The following IL12RB1 variants were observed in gnomAD, a reference collection of about 807,000 sequenced individuals.
IL12RB1 encodes interleukin 12 receptor subunit beta 1, also known as interleukin-12 receptor subunit beta-1.
In IL12RB1, 64 loss-of-function variants were observed where a neutral mutation model predicts 94.4. The ratio of observed to expected loss-of-function variants is 0.68; its 90% CI spans 0.55 to 0.83. The LOEUF is 0.83. IL12RB1 is among the 40% of genes least tolerant of loss of function. IL12RB1 has a pLI of 0.00. For synonymous variants in IL12RB1, 362 were observed against 355.5 expected, an observed-to-expected ratio of 1.02 and a Z score of -0.21; for missense variants, 814 against 855.6, an observed-to-expected ratio of 0.95 and a Z score of 0.61.
Position 18,059,874 on chromosome 19 carries a change from G to T in IL12RB1, c.1983+20C>A. 2 of 1,482,466 alleles carry T rather than the reference G, an allele frequency of 1.3e-6. No individual in the cohort carries two copies. The highest frequency in any genetic ancestry group is 1.9e-6 in the Non-Finnish European group (2 of 1,080,902). 91.8% of individuals were successfully genotyped at this position (1,482,466 alleles called of 1,614,324 possible). On this transcript the variant is annotated intron_variant, in intron 16 of 16. Coordinates refer to ENST00000593993, the MANE Select transcript of IL12RB1 (RefSeq NM_005535.3). The stretch of plus-strand genomic sequence containing the variant: ...GGCAGGGTTGCACCCCTGACCGTCT[G>T]GCCCACTGGGCCCCAGGACCTTGGC...
intron 1 of IL12RB1, among the ~76,000 whole-genome samples, chr19:18,093,301 T>C (rs1472315366): frequency 6.6e-6 from 1 of 151,078 alleles, no homozygotes; most frequent in Middle Eastern, 3.4e-3. Flanking sequence ...GCTGGACTTT[T>C]GTCTCAAAAA....
intron 1 of IL12RB1, 22 bp from the exon 2 acceptor site, chr19:18,083,513 A>G (rs980472107): frequency 6.9e-5 from 111 of 1,612,946 alleles, no homozygotes; most frequent in Non-Finnish European, 9.3e-5. Context: ...ATGAAGACAT[A>G]ATGACATTCC....
intron 1 of IL12RB1, among the ~76,000 whole-genome samples, chr19:18,086,385 C>A (rs1490767862): frequency 6.6e-6 from 1 of 151,916 alleles, no homozygotes; most frequent in African/African-American, 2.4e-5. Context: ...GAACCATTGC[C>A]CCGTAAATAT....
chr19:18,087,037 T>G, upstream of IL12RB1: 1 of 992,298 alleles, frequency 1.0e-6, no homozygotes, highest in Non-Finnish European at 1.5e-6. Flanking sequence ...GTGGTGGTGA[T>G]GGTGGCGGCC....
rs139940907 is a variant in IL12RB1, at chr19:18,076,658, G to A, written c.550-331C>T. On this transcript the variant is annotated intron_variant, in intron 5 of 16. Transcript: ENST00000593993. ...GCCTCAAGCAATCCCACCCCAACTC[G>A]GCCTCCCAAAGCACTGGGATTACAG... is the stretch of plus-strand genomic sequence containing the variant. Among the ~76,000 whole-genome samples the A allele has an allele frequency of 3.3e-3, 508 of 152,032 alleles. 5 individuals are homozygous for A. Among genetic ancestry groups the A allele is most frequent in the African/African-American group, 0.012 (490 of 41,452 alleles).
At chr19:18,088,896 G>A (rs867802175), upstream of IL12RB1, among the ~76,000 whole-genome samples, 1 of 152,028 alleles carries the variant, frequency 6.6e-6, no homozygotes, top group African/African-American at 2.4e-5. Flanking sequence ...CAGGCCTGGT[G>A]ACATGTGCCT....
At chr19:18,077,456 T>TG (rs2035572962) in intron 5 of IL12RB1, 60 bp downstream of exon 5, 11 of 1,322,302 alleles carry the variant, frequency 8.3e-6, no homozygotes, top group Non-Finnish European at 9.7e-6. Flanking sequence ...GAGACTGATT[T>TG]GGGGGTGAAG....
At chr19:18,060,435 C>T (rs546864350) in intron 15 of IL12RB1, among the ~76,000 whole-genome samples, 25 of 152,230 alleles carry the variant, frequency 1.6e-4, no homozygotes, top group South Asian at 1.4e-3. Context: ...GCCGAGATGG[C>T]GCCACTGCAC....
chr19:18,071,479 G>C (rs942803050), intron 9 of IL12RB1: 7 of 382,892 alleles, frequency 1.8e-5, no homozygotes, highest in Non-Finnish European at 3.3e-5. Context: ...GCTAGTTTTT[G>C]TTGTTGTTCT....
chr19:18,096,956 G>A (rs1225925620), intron 1 of IL12RB1, among the ~76,000 whole-genome samples: 2 of 152,056 alleles, frequency 1.3e-5, no homozygotes, highest in Non-Finnish European at 2.9e-5. Context: ...ACCAGCCTGG[G>A]CAACATAGTG....
At chr19:18,063,282 G>A (rs545285079) in intron 13 of IL12RB1, among the ~76,000 whole-genome samples, 1 of 151,322 alleles carries the variant, frequency 6.6e-6, no homozygotes, top group Non-Finnish European at 1.5e-5. Context: ...ATTTTTTGTA[G>A]AGATGAGGTC....
intron 3 of IL12RB1, among the ~76,000 whole-genome samples, chr19:18,081,467 C>T (rs1031727827): frequency 2.0e-5 from 3 of 151,722 alleles, no homozygotes; most frequent in Admixed American, 1.3e-4. Flanking sequence ...CAGTCTGGGA[C>T]TGGAGGGGTT....
At chr19:18,086,612 C>T (rs2036358585) in intron 1 of IL12RB1, 148 bp downstream of exon 1, 2 of 708,396 alleles carry the variant, frequency 2.8e-6, no homozygotes, top group Admixed American at 3.1e-5. Context: ...ATCCCAGAAG[C>T]CATGACTGCC....
chr19:18,068,558 G>A, intron 10 of IL12RB1, 32 bp from the exon 11 acceptor site: 3 of 1,598,768 alleles, frequency 1.9e-6, no homozygotes, highest in East Asian at 2.2e-5. Context: ...AGGCCATTCA[G>A]TAGATTGTGT....
intron 2 of IL12RB1, among the ~76,000 whole-genome samples, 179 bp from the exon 3 acceptor site, chr19:18,082,443 C>T (rs2035984742): frequency 6.6e-6 from 1 of 152,158 alleles, no homozygotes; most frequent in Admixed American, 6.5e-5. Flanking sequence ...CCTCAGCCTC[C>T]TAACTTGTCC....
At chr19:18,060,647 G>C (rs928679118) in intron 15 of IL12RB1, among the ~76,000 whole-genome samples, 1 of 152,034 alleles carries the variant, frequency 6.6e-6, no homozygotes, top group Non-Finnish European at 1.5e-5. Context: ...ATGTGACCCT[G>C]GCCAGCCCAC....
Position 18,066,536 on chromosome 19 carries a change from A to G in IL12RB1, c.1483+6T>C. 6.2e-7 allele frequency: 1 copy of G among 1,608,786 alleles called. No homozygotes were observed. The highest frequency in any genetic ancestry group is 1.7e-5 in the Admixed American group (1 of 59,990). ...CCCCAAGCCAGGTCTGCACTGCCTC[A>G]CGTACCTGACACCTGTTTGCTGTCT... On this transcript the variant is annotated splice_donor_region_variant and intron_variant, in intron 12 of 16. Transcript: ENST00000593993.
intron 7 of IL12RB1, among the ~76,000 whole-genome samples, chr19:18,074,680 G>T (rs549687929): frequency 6.6e-6 from 1 of 152,062 alleles, no homozygotes; most frequent in Non-Finnish European, 1.5e-5. Context: ...CCCGTGAGGC[G>T]GAGGTTGCAG....
At chr19:18,080,055 C>A (rs543376494) in intron 4 of IL12RB1, among the ~76,000 whole-genome samples, 7 of 151,276 alleles carry the variant, frequency 4.6e-5, no homozygotes, top group African/African-American at 1.7e-4. Flanking sequence ...TTTCTTTTTT[C>A]TTTTTTTTCT....
Sources: gnomAD v4.1 joint callset for allele counts (sites outside exome capture counted in the v4.1 genomes callset) on GRCh38, gnomAD v4.1.1 for gene constraint, MANE v1.5 for transcripts, NCBI Gene and HGNC (gene_info 2026-07-23, HGNC 2026-07-21) for gene names.